ABCD4: variants seen among roughly 807,000 people sequenced by gnomAD.
The protein encoded by ABCD4 is lysosomal cobalamin transporter ABCD4.
Under a neutral mutation model 86.3 loss-of-function variants are expected in ABCD4, and 53 were observed. That is an observed-to-expected ratio of 0.61 (90% CI 0.49 to 0.77). The LOEUF is 0.77. Ranked by LOEUF, ABCD4 falls within the 30% of genes least tolerant of loss-of-function variation. The probability of loss-of-function intolerance (pLI) is 0.00; values close to 1 mark genes in which losing one functional copy is unlikely to be tolerated. For missense variants in ABCD4, 757 were observed against 764.5 expected (o/e 0.99, Z 0.12); for synonymous variants, 328 against 313.6 (o/e 1.05, Z -0.49).
At chr14:74,294,156 G>A (rs2082249282) in intron 7 of ABCD4, 1 of 151,968 alleles carries the variant, frequency 6.6e-6, no homozygotes, top group Non-Finnish European at 1.5e-5. Flanking sequence ...GGATTCAAGT[G>A]ATTCTCCTGC....
chr14:74,293,452 T>G (rs1336549833), intron 7 of ABCD4: 2 of 492,342 alleles, frequency 4.1e-6, no homozygotes, highest in East Asian at 3.2e-5. Context: ...AACTCTAGAG[T>G]TGGGCAGACC....
Position 74,288,221 on chromosome 14 carries a change from C to G in ABCD4, c.1545G>C (p.Gln515His), listed in dbSNP as rs144462424. 6.2e-6 allele frequency: 10 copies of G among 1,612,330 alleles called. No individual in the cohort carries two copies. The highest frequency in any genetic ancestry group is 1.3e-5 in the African/African-American group (1 of 75,022). ...LVARTEGLDQ[Q>H]VDWNWYDVLS... Reference sequence around the variant, plus strand: ...TCTTTTCTTACCAGTTCCAGTCCACCTGCTGGTCCAGGCCCTCTGTCCTTG... The same window carrying G: ...TCTTTTCTTACCAGTTCCAGTCCACGTGCTGGTCCAGGCCCTCTGTCCTTG... Residue 515 changes from glutamine (Q) to histidine (H), a missense_variant, in exon 16 of 19, where the codon CAG becomes CAC. Coordinates refer to ENST00000356924, the MANE Select transcript of ABCD4 (RefSeq NM_005050.4).
chr14:74,300,509 T>C (rs2084136346), intron 1 of ABCD4, among the ~76,000 whole-genome samples: 1 of 151,272 alleles, frequency 6.6e-6, no homozygotes, highest in East Asian at 2.0e-4. Flanking sequence ...GGAGAATTGC[T>C]TGGACCTGGG....
Position 74,292,586 on chromosome 14 carries a change from G to T in ABCD4, c.993C>A (p.Ser331=), listed in dbSNP as rs755088544. 6.2e-7 allele frequency: 1 copy of T among 1,614,034 alleles called. No individual in the cohort carries two copies. Among genetic ancestry groups the T allele is most frequent in the Admixed American group, 1.7e-5 (1 of 60,016 alleles). ...ISCFTQLIDL[S]TTLSDVAGYT... Reference sequence around the variant, plus strand: ...AGCCAGCCACATCTGAGAGCGTCGTGGACAGGTCGATGAGCTGGGTGAAGC... The same window carrying T: ...AGCCAGCCACATCTGAGAGCGTCGTTGACAGGTCGATGAGCTGGGTGAAGC... The change falls in exon 10 of 19, where the codon TCC becomes TCA. Residue 331 remains serine, a synonymous_variant. Coordinates refer to ENST00000356924, the MANE Select transcript of ABCD4 (RefSeq NM_005050.4).
chr14:74,287,989 GC>G, intron 16 of ABCD4, 103 bp from the exon 17 acceptor site: 1 of 1,199,622 alleles, frequency 8.3e-7, no homozygotes. Flanking sequence ...ACAGAGGTGA[GC>G]CCCAGGAGAC....
intron 11 of ABCD4, 43 bp downstream of exon 11, chr14:74,292,244 C>T (rs1457343030): frequency 1.9e-6 from 3 of 1,599,420 alleles, no homozygotes; most frequent in Non-Finnish European, 1.7e-6. Context: ...GGTGATGCCA[C>T]AGCCTGCAGC....
At chr14:74,297,701 A>C in intron 4 of ABCD4, 2 of 1,232,920 alleles carry the variant, frequency 1.6e-6, no homozygotes, top group Non-Finnish European at 2.0e-6. Context: ...TTGGGACTAC[A>C]GGTGCATGCC....
chr14:74,299,709 TGAG>T, intron 2 of ABCD4, 34 bp from the exon 3 acceptor site: 1 of 1,593,694 alleles, frequency 6.3e-7, no homozygotes, highest in East Asian at 2.3e-5. Context: ...AAATCAGTGA[TGAG>T]GGGTTAAAAA....
chr14:74,299,482 C>T, intron 3 of ABCD4, 66 bp downstream of exon 3: 1 of 1,587,008 alleles, frequency 6.3e-7, no homozygotes, highest in Non-Finnish European at 8.6e-7. Flanking sequence ...GGCTAAGTTC[C>T]ACTAGGCATT....
chr14:74,288,257 G>A lies in ABCD4; in HGVS notation c.1509C>T (p.Ser503=), dbSNP rs764623821. ...ILRFLELAGL[S]NLVARTEGLD... ...GGCCCTCTGTCCTTGCCACCAAGTT[G>A]GACTGTAACAGACCCAGAGGGCAGG... Residue 503 remains serine, a splice_region_variant and synonymous_variant, in exon 16 of 19, where the codon TCC becomes TCT. Coordinates refer to ENST00000356924, the MANE Select transcript of ABCD4 (RefSeq NM_005050.4). 6.2e-7 allele frequency: 1 copy of A among 1,606,546 alleles called. No individual in the cohort carries two copies. The highest frequency in any genetic ancestry group is 1.1e-5 in the South Asian group (1 of 89,726).
At chr14:74,289,997 G>A in intron 13 of ABCD4, 30 bp downstream of exon 13, 10 of 1,613,914 alleles carry the variant, frequency 6.2e-6, no homozygotes, top group Non-Finnish European at 8.5e-6. Flanking sequence ...GGTTGAGGAG[G>A]GAGGAGTGAG....
intron 7 of ABCD4, chr14:74,294,278 C>T (rs2082280148): frequency 6.6e-6 from 1 of 152,188 alleles, no homozygotes; most frequent in Non-Finnish European, 1.5e-5. Flanking sequence ...TGGTCTCGAA[C>T]TCTTGACCTC....
At chr14:74,301,582 A>T (rs1184501281) in intron 1 of ABCD4, among the ~76,000 whole-genome samples, 3 of 152,214 alleles carry the variant, frequency 2.0e-5, no homozygotes, top group Non-Finnish European at 4.4e-5. Context: ...TAATAAACAC[A>T]TGAAAATGTA....
In ABCD4 at chr14:74,295,947, C is replaced by A. The variant is rs1290834352; in HGVS notation, c.575G>T (p.Gly192Val). 3 of 1,611,922 alleles carry A rather than the reference C, an allele frequency of 1.9e-6. No homozygotes were observed. The highest frequency in any genetic ancestry group is 2.5e-6 in the Non-Finnish European group (3 of 1,179,558). ...CACCACGGTCCCCAGGATGAAATAC[C>A]CGAAGATGCTCACAGGCCCGAGCCA... is the stretch of plus-strand genomic sequence containing the variant. The part of the protein sequence containing the change: ...TGWLGPVSIF[G>V]YFILGTVVNK... Residue 192 changes from glycine to valine, a missense_variant, in exon 6 of 19, where the codon GGG becomes GTG. Transcript: ENST00000356924.
At chr14:74,288,010 T>A in intron 16 of ABCD4, 124 bp from the exon 17 acceptor site, 2 of 1,106,674 alleles carry the variant, frequency 1.8e-6, no homozygotes, top group Non-Finnish European at 2.7e-6. Context: ...CAGAAGCCCC[T>A]TCCCTTTCGA....
rs1463123783 is a variant in ABCD4 at position 74,289,532 on chromosome 14, A to G, written c.1420-13T>C. On this transcript the variant is annotated splice_polypyrimidine_tract_variant and intron_variant, in intron 13 of 18. Transcript: ENST00000356924. ...GGGGATATATCACCTGAGAAAAGAAAAAAACCACACCAACCTAGGAGGGCG... is the reference window on the plus strand; with the variant it reads ...GGGGATATATCACCTGAGAAAAGAAGAAAACCACACCAACCTAGGAGGGCG... 1 of 1,613,422 alleles carries G rather than the reference A, an allele frequency of 6.2e-7. No individual in the cohort carries two copies. Among genetic ancestry groups the G allele is most frequent in the Admixed American group, 1.7e-5 (1 of 59,876 alleles).
At chr14:74,292,680 C>A (rs778437651) in intron 9 of ABCD4, 38 bp from the exon 10 acceptor site, 5 of 1,613,860 alleles carry the variant, frequency 3.1e-6, no homozygotes, top group Non-Finnish European at 4.2e-6. Context: ...GGTCTCGACT[C>A]GAGCCCACAG....
In ABCD4 at chr14:74,286,775, T is replaced by C. The variant is rs2139698542; in HGVS notation, c.1678A>G (p.Ser560Gly). ...ATSALTEEVE[S>G]ELYRIGQQLG... ...TGCTGGCCGATGCGATAGAGCTCGC[T>C]CTCCACTTCCTCTGTCAGGGCACTG... Residue 560 changes from serine to glycine, a missense_variant, in exon 18 of 19, where the codon AGC (serine) becomes GGC (glycine). Coordinates refer to ENST00000356924, the MANE Select transcript of ABCD4 (RefSeq NM_005050.4). The C allele has an allele frequency of 1.2e-6, 2 of 1,614,096 alleles. No individual in the cohort carries two copies. Among genetic ancestry groups the C allele is most frequent in the Non-Finnish European group, 1.7e-6 (2 of 1,180,032 alleles).
chr14:74,291,252 G>T (rs962791305), intron 11 of ABCD4, among the ~76,000 whole-genome samples: 1 of 152,184 alleles, frequency 6.6e-6, no homozygotes, highest in East Asian at 1.9e-4. Flanking sequence ...TTTCTGTCAT[G>T]GCAGCCTGAG....
Sources: gnomAD v4.1 joint callset for allele counts (sites outside exome capture counted in the v4.1 genomes callset) on GRCh38, gnomAD v4.1.1 for gene constraint, MANE v1.5 for transcripts, NCBI Gene and HGNC (gene_info 2026-07-23, HGNC 2026-07-21) for gene names.